BIRC6: variants seen among roughly 807,000 people sequenced by gnomAD.
The protein encoded by BIRC6 is baculoviral IAP repeat containing 6.
In BIRC6, 98 loss-of-function variants were observed where a neutral mutation model predicts 503.3. That is an observed-to-expected ratio of 0.19 (90% CI 0.17 to 0.23). BIRC6 has a LOEUF of 0.23. BIRC6 is among the 10% of genes least tolerant of loss of function. The pLI is 1.00. For missense variants in BIRC6, 5,360 were observed against 5,806.0 expected, an observed-to-expected ratio of 0.92 and a Z score of 2.50; for synonymous variants, 2,240 against 2,078.7, an observed-to-expected ratio of 1.08 and a Z score of -2.11.
At position 32,547,878 on chromosome 2, in the gene BIRC6, C is replaced by T; in HGVS notation, c.12839C>T (p.Thr4280Ile). Residue 4280 changes from threonine (T) to isoleucine (I), a missense_variant, in exon 64 of 74, where the codon ACA (threonine) becomes ATA (isoleucine). This residue lies in a region of BIRC6 where 477 missense variants were observed against 574.4 expected (regional missense o/e 0.83). Coordinates refer to ENST00000421745, the MANE Select transcript of BIRC6 (RefSeq NM_016252.4). ...CAGGTGTCAAGCTCTCATAACCCTACATCAACAGAAGAACAACAGTTATAT... is the reference window on the plus strand; with the variant it reads ...CAGGTGTCAAGCTCTCATAACCCTATATCAACAGAAGAACAACAGTTATAT... ...EPQVSSSHNP[T>I]STEEQQLYWA... is the part of the protein sequence containing the mutation. The T allele has an allele frequency of 1.2e-6, 2 of 1,607,340 alleles. No individual in the cohort carries two copies. The highest frequency in any genetic ancestry group is 1.7e-6 in the Non-Finnish European group (2 of 1,177,796).
chr2:32,358,405 A>C (rs1558512756), intron 1 of BIRC6, among the ~76,000 whole-genome samples: 1 of 152,090 alleles, frequency 6.6e-6, no homozygotes, highest in Non-Finnish European at 1.5e-5. Context: ...CAGTGGACGG[A>C]CTGGAGTGGT....
intron 65 of BIRC6, among the ~76,000 whole-genome samples, chr2:32,559,699 T>G (rs6747560): frequency 0.67 from 99,461 of 149,352 alleles, 33,592 homozygotes; most frequent in African/African-American, 0.73. Flanking sequence ...TCCTCTTGGT[T>G]GGGGGGGTCT....
At chr2:32,366,104 C>T (rs1378396443) in intron 1 of BIRC6, among the ~76,000 whole-genome samples, 1 of 152,176 alleles carries the variant, frequency 6.6e-6, no homozygotes, top group Non-Finnish European at 1.5e-5. Context: ...CTCCTGACCA[C>T]AGGTGATCCA....
chr2:32,502,158 C>G lies in BIRC6; in HGVS notation c.9207+270C>G, dbSNP rs530066994. Among the ~76,000 whole-genome samples, 8 of 152,228 alleles carry G rather than the reference C, an allele frequency of 5.3e-5. No homozygotes were observed. The South Asian group carries it at 1.7e-3, about 32-fold the overall frequency. On this transcript the variant is annotated intron_variant, in intron 47 of 73. Coordinates refer to ENST00000421745, the MANE Select transcript of BIRC6 (RefSeq NM_016252.4). ...TTTAATATAGTCTCAAGAAGTTCTTCTCTTTTTCCTAAAAGTAGCATAGTG... is the reference window on the plus strand; with the variant it reads ...TTTAATATAGTCTCAAGAAGTTCTTGTCTTTTTCCTAAAAGTAGCATAGTG...
rs2033177758 is a variant in BIRC6 at position 32,357,147 on chromosome 2, G to GC, written c.-10dup. 6.7e-7 allele frequency: 1 copy of GC among 1,481,840 alleles called. No individual in the cohort carries two copies. Among genetic ancestry groups the GC allele is most frequent in the Non-Finnish European group, 8.8e-7 (1 of 1,131,114 alleles). 91.8% of individuals were successfully genotyped at this position (1,481,840 alleles called of 1,614,324 possible). A position where few individuals can be genotyped will look rare whatever the true frequency, so the allele number is the denominator to read the frequency against. On this transcript the variant is annotated 5_prime_UTR_variant, in exon 1 of 74. Transcript: ENST00000421745. The surrounding 1 kb of genome is among the most constrained non-coding windows in gnomAD (Gnocchi z 4.9). ...CACTTCCGGCTAACGCGCTCGGCTT[G>GC]CCCCCTGGCCCCGGATGGTGACTGG... is the stretch of plus-strand genomic sequence containing the variant.
chr2:32,611,108 C>CT lies in BIRC6; in HGVS notation c.14260-329dup, dbSNP rs1245765148. Among the ~76,000 whole-genome samples the CT allele has an allele frequency of 1.3e-3, 162 of 126,112 alleles. 1 individual carries two copies. Among genetic ancestry groups the CT allele is most frequent in the African/African-American group, 2.7e-3 (92 of 34,194 alleles). The allele number at this position is 126,112 out of a possible 152,430, so 82.7% of individuals were successfully genotyped here. A position where few individuals can be genotyped will look rare whatever the true frequency, so the allele number is the denominator to read the frequency against. ...AATATTGTAGAGTTGATTAAATTGC[C>CT]TTTTTTTTTTTGTTTGAGATGGAGG... On this transcript the variant is annotated intron_variant, in intron 72 of 73. Transcript: ENST00000421745.
At position 32,448,854 on chromosome 2, in the gene BIRC6, C is replaced by G. The variant is rs2046374307; in HGVS notation, c.4544C>G (p.Ser1515Cys). The change falls in exon 22 of 74, where the codon TCT becomes TGT. Residue 1515 changes from serine to cysteine, a missense_variant. Around this residue, in one of 16 missense-constraint regions of BIRC6, gnomAD observed 2,299 missense variants for 2,267.2 expected, o/e 1.01. Transcript: ENST00000421745. ...CTCTTTGATTTGGAGATGAGTGGCT[C>G]TTCTTGTAAAAATGTTTATAACAGC... ...PVLFDLEMSG[S>C]SCKNVYNSSI... is the part of the protein sequence containing the mutation. 3 of 1,613,236 alleles carry G rather than the reference C, an allele frequency of 1.9e-6. No individual in the cohort carries two copies. Among genetic ancestry groups the G allele is most frequent in the East Asian group, 2.2e-5 (1 of 44,830 alleles).
chr2:32,535,564 T>G (rs1349417834), intron 61 of BIRC6, among the ~76,000 whole-genome samples: 1 of 152,208 alleles, frequency 6.6e-6, no homozygotes, highest in Non-Finnish European at 1.5e-5. Context: ...GTTTGGTTTT[T>G]TCGTCCTTGC....
chr2:32,411,335 A>G (rs1237331384), intron 9 of BIRC6, among the ~76,000 whole-genome samples: 1 of 151,598 alleles, frequency 6.6e-6, no homozygotes, highest in East Asian at 1.9e-4. Flanking sequence ...CTCCACGCCC[A>G]GCCTTGAGCA....
intron 23 of BIRC6, among the ~76,000 whole-genome samples, chr2:32,462,458 G>T (rs1301528518): frequency 6.6e-6 from 1 of 152,172 alleles, no homozygotes; most frequent in African/African-American, 2.4e-5. Flanking sequence ...ATGTTCATGG[G>T]TAAGAAGTGT....
At chr2:32,409,031 A>G (rs966453054) in intron 9 of BIRC6, among the ~76,000 whole-genome samples, 2 of 152,224 alleles carry the variant, frequency 1.3e-5, no homozygotes, top group Admixed American at 1.3e-4. Context: ...CTAAAAAGTG[A>G]TAAGGTACCA....
chr2:32,498,906 G>C (rs1051472739), intron 45 of BIRC6, among the ~76,000 whole-genome samples: 1 of 152,268 alleles, frequency 6.6e-6, no homozygotes. Context: ...GTAACAATGA[G>C]GTTTCACCAT....
chr2:32,497,705 T>C (rs1368409332), intron 45 of BIRC6, among the ~76,000 whole-genome samples: 1 of 152,192 alleles, frequency 6.6e-6, no homozygotes, highest in East Asian at 1.9e-4. Flanking sequence ...TTATCTTTTT[T>C]TGGGGTCATT....
chr2:32,448,453 A>G (rs1227238735), intron 21 of BIRC6, among the ~76,000 whole-genome samples: 2 of 151,674 alleles, frequency 1.3e-5, no homozygotes, highest in Non-Finnish European at 2.9e-5. Flanking sequence ...GCTGGAGACC[A>G]GCCCGGCCAA....
In BIRC6 at chr2:32,415,931, C is replaced by T. The variant is rs1420422803; in HGVS notation, c.2640C>T (p.Asp880=). ...ATGACTGTGAGGAACCTATTGAGGA[C>T]ATGCAGTTAACCTCAAAGAATGGTT... The part of the protein sequence containing the change: ...REDDCEEPIE[D]MQLTSKNGFE... The change falls in exon 10 of 74, where the codon GAC becomes GAT. Residue 880 remains aspartate, a synonymous_variant. Coordinates refer to ENST00000421745, the MANE Select transcript of BIRC6 (RefSeq NM_016252.4). 4 of 1,613,888 alleles carry T rather than the reference C, an allele frequency of 2.5e-6. No individual in the cohort carries two copies. The highest frequency in any genetic ancestry group is 3.4e-6 in the Non-Finnish European group (4 of 1,179,828).
chr2:32,468,855 C>A, intron 29 of BIRC6, 72 bp downstream of exon 29: 8 of 1,154,644 alleles, frequency 6.9e-6, no homozygotes, highest in Non-Finnish European at 9.6e-6. Context: ...GTTTTAGGAT[C>A]TGTGTCAATA....
At chr2:32,469,735 A>G in intron 30 of BIRC6, 121 bp downstream of exon 30, 1 of 909,004 alleles carries the variant, frequency 1.1e-6, no homozygotes, top group Non-Finnish European at 1.7e-6. Context: ...CAGATCTCAG[A>G]GTTTGTGAAA....
chr2:32,387,909 A>G (rs952205812), intron 3 of BIRC6, among the ~76,000 whole-genome samples: 21 of 152,312 alleles, frequency 1.4e-4, no homozygotes, highest in African/African-American at 5.1e-4. Context: ...TTTCATTTAA[A>G]AAATTAAAAA....
intron 4 of BIRC6, among the ~76,000 whole-genome samples, chr2:32,391,558 G>C (rs2039234829): frequency 6.6e-6 from 1 of 152,126 alleles, no homozygotes; most frequent in African/African-American, 2.4e-5. Context: ...TAATTTAAGG[G>C]AAGAATTTAG....
Sources: allele counts gnomAD v4.1 joint callset (sites outside exome capture counted in the v4.1 genomes callset), GRCh38; gene constraint gnomAD v4.1.1; regional missense constraint gnomAD v4.1.1; non-coding constraint Gnocchi (gnomAD v3.1); transcripts MANE v1.5; gene names NCBI Gene and HGNC (gene_info 2026-07-23, HGNC 2026-07-21).